The following PRR27 variants were observed in gnomAD, a reference collection of about 807,000 sequenced individuals.
The protein encoded by PRR27 is proline rich 27.
PRR27 carries 12 observed loss-of-function variants against 16.8 expected under a neutral mutation model. That is an observed-to-expected ratio of 0.71 (90% CI 0.46 to 1.16). The LOEUF (loss-of-function observed/expected upper bound fraction) is 1.16, where lower values mean the gene tolerates loss of function less well. PRR27 is among the 50% of genes most tolerant of loss of function. The pLI is 0.00. For missense variants in PRR27, 277 were observed against 273.3 expected, an observed-to-expected ratio of 1.01 and a Z score of -0.10; for synonymous variants, 100 against 98.4, an observed-to-expected ratio of 1.02 and a Z score of -0.10.
intron 3 of PRR27, among the ~76,000 whole-genome samples, chr4:70,159,486 T>C (rs551958040): frequency 1.3e-5 from 2 of 152,286 alleles, no homozygotes; most frequent in East Asian, 1.9e-4. Context: ...ATAAAAGTGA[T>C]TAGATGGACA....
Position 70,158,547 on chromosome 4 carries a change from T to TGAATGTTCCCTCCTCTCCG in PRR27, c.295_296insGAATGTTCCCTCCTCTCCG (p.Leu99Ter). The TGAATGTTCCCTCCTCTCCG allele has an allele frequency of 1.2e-6, 2 of 1,614,122 alleles. No homozygotes were observed. Among genetic ancestry groups the TGAATGTTCCCTCCTCTCCG allele is most frequent in the Non-Finnish European group, 1.7e-6 (2 of 1,179,992 alleles). On this transcript the variant is annotated stop_gained and frameshift_variant, in exon 3 of 5. Coordinates refer to ENST00000344526, the MANE Select transcript of PRR27 (RefSeq NM_214711.4). LOFTEE classifies it high-confidence loss of function. Reference sequence around the variant, plus strand: ...CCGTGGTTTTCCCTTAGCTACTCAGTTGAATGTTCCTCCTCTCCCTCCTAG... The same window carrying TGAATGTTCCCTCCTCTCCG: ...CCGTGGTTTTCCCTTAGCTACTCAGTGAATGTTCCCTCCTCTCCGTGAATGTTCCTCCTCTCCCTCCTAG...
intron 4 of PRR27, among the ~76,000 whole-genome samples, chr4:70,161,908 T>C (rs549059645): frequency 2.0e-5 from 3 of 152,322 alleles, no homozygotes; most frequent in South Asian, 2.1e-4. Context: ...GTAGTTAATA[T>C]AGGTAAAAAC....
chr4:70,160,443 C>CTCTCTCTGTG (rs1298386504), intron 3 of PRR27, among the ~76,000 whole-genome samples: 39 of 68,702 alleles, frequency 5.7e-4, no homozygotes, highest in South Asian at 8.6e-4. Flanking sequence ...CTCTCTCTCT[C>CTCTCTCTGTG]TGTGTGTGTG....
chr4:70,166,112 C>T lies in PRR27; in HGVS notation c.*3451C>T, dbSNP rs1237047025. On this transcript the variant is annotated 3_prime_UTR_variant, in exon 5 of 5. Coordinates refer to ENST00000344526, the MANE Select transcript of PRR27 (RefSeq NM_214711.4). The stretch of plus-strand genomic sequence containing the variant: ...GTCATTTCACAATTTACTATTTTTA[C>T]TCAACATTTATATTTCTGAGACTTT... 6.6e-6 allele frequency: 1 copy of T among 151,954 alleles called. No individual in the cohort carries two copies. The highest frequency in any genetic ancestry group is 1.9e-4 in the East Asian group (1 of 5,192). The allele number at this position is 151,954 out of a possible 1,614,324, so 9.4% of individuals were successfully genotyped here.
Position 70,163,341 on chromosome 4 carries a change from G to T in PRR27, c.*680G>T, listed in dbSNP as rs1429255969. ...TTTTTTTTTTTTTTTTTGAGACGAA[G>T]TCTCACACTGTTGCACGGCTGTAGT... is the stretch of plus-strand genomic sequence containing the variant. On this transcript the variant is annotated 3_prime_UTR_variant, in exon 5 of 5. Transcript: ENST00000344526. 1.1e-4 allele frequency: 14 copies of T among 124,078 alleles called. No homozygotes were observed. The Admixed American group carries it at 1.4e-3, about 12-fold the overall frequency. 7.7% of individuals were successfully genotyped at this position (124,078 alleles called of 1,614,324 possible).
chr4:70,154,319 T>G lies in PRR27; in HGVS notation c.-57T>G. ...AAGAAAAATATAATTTAAAAATACA[T>G]TGCGTATTTTCTAAAACAATAAATT... On this transcript the variant is annotated 5_prime_UTR_variant, in exon 1 of 5. Transcript: ENST00000344526. The G allele has an allele frequency of 2.3e-6, 3 of 1,300,158 alleles. No individual in the cohort carries two copies. Among genetic ancestry groups the G allele is most frequent in the South Asian group, 1.3e-5 (1 of 79,536 alleles). 80.5% of individuals were successfully genotyped at this position (1,300,158 alleles called of 1,614,324 possible).
chr4:70,154,504 A>G, intron 1 of PRR27, 78 bp downstream of exon 1: 2 of 1,151,564 alleles, frequency 1.7e-6, no homozygotes, highest in Non-Finnish European at 2.6e-6. Context: ...TGCTTATGAT[A>G]AAGTACTATA....
At position 70,164,461 on chromosome 4, in the gene PRR27, TTC is replaced by T. The variant is rs1223435303; in HGVS notation, c.*1802_*1803del. 1 of 152,190 alleles carries T rather than the reference TTC, an allele frequency of 6.6e-6. No individual in the cohort carries two copies. Among genetic ancestry groups the T allele is most frequent in the Non-Finnish European group, 1.5e-5 (1 of 68,008 alleles). 9.4% of individuals were successfully genotyped at this position (152,190 alleles called of 1,614,324 possible). ...ACATGGTCTCAAAAAATGAGAAACT[TTC>T]TTAGACAGTAAAATTGTTAACTTGA... On this transcript the variant is annotated 3_prime_UTR_variant, in exon 5 of 5. Transcript: ENST00000344526.
chr4:70,163,406 CGG>C lies in PRR27; in HGVS notation c.*747_*748del, dbSNP rs1728690287. 1 of 151,834 alleles carries C rather than the reference CGG, an allele frequency of 6.6e-6. No individual in the cohort carries two copies. Among genetic ancestry groups the C allele is most frequent in the African/African-American group, 2.4e-5 (1 of 41,216 alleles). The allele number at this position is 151,834 out of a possible 1,614,324, so 9.4% of individuals were successfully genotyped here. A position where few individuals can be genotyped will look rare whatever the true frequency, so the allele number is the denominator to read the frequency against. ...TCAGCTCACTGCAACTTCCACCTCC[CGG>C]GTTCAAGTGATTCTCCTGCCTCAGC... On this transcript the variant is annotated 3_prime_UTR_variant, in exon 5 of 5. Coordinates refer to ENST00000344526, the MANE Select transcript of PRR27 (RefSeq NM_214711.4).
In PRR27 at chr4:70,158,706, G is replaced by A. The variant is rs753969636; in HGVS notation, c.454G>A (p.Ala152Thr). ...TPVAAEPAAG[A>T]PVAAEPAAEA... ...TGTAGCAGCTGAGCCTGCTGCAGGG[G>A]CCCCTGTTGCAGCTGAGCCTGCTGC... Residue 152 changes from alanine (A) to threonine (T), a missense_variant, in exon 3 of 5, where the codon GCC becomes ACC. Physicochemically the swap from Ala to Thr is moderately conservative, Grantham distance 58. Coordinates refer to ENST00000344526, the MANE Select transcript of PRR27 (RefSeq NM_214711.4). 4 of 1,612,906 alleles carry A rather than the reference G, an allele frequency of 2.5e-6. No individual in the cohort carries two copies. Among genetic ancestry groups the A allele is most frequent in the African/African-American group, 1.3e-5 (1 of 74,826 alleles).
chr4:70,154,800 G>A (rs1403417109), intron 1 of PRR27: 10 of 1,292,206 alleles, frequency 7.7e-6, no homozygotes, highest in East Asian at 5.3e-5. Flanking sequence ...AGGTATTTAT[G>A]TACAGACATT....
At position 70,158,679 on chromosome 4, in the gene PRR27, C is replaced by A. The variant is rs558488121; in HGVS notation, c.427C>A (p.Pro143Thr). Residue 143 changes from proline to threonine, a missense_variant, in exon 3 of 5, where the codon CCT (proline) becomes ACT (threonine). Physicochemically the swap from Pro to Thr is conservative, Grantham distance 38. Coordinates refer to ENST00000344526, the MANE Select transcript of PRR27 (RefSeq NM_214711.4). Reference protein sequence around the residue: ...PAAAAPLTATPVAAEPAAGAP... With the variant: ...PAAAAPLTATTVAAEPAAGAP... ...TGCAGCTGCACCTCTTACAGCCACA[C>A]CTGTAGCAGCTGAGCCTGCTGCAGG... 5 of 1,613,950 alleles carry A rather than the reference C, an allele frequency of 3.1e-6. No homozygotes were observed. Among genetic ancestry groups the A allele is most frequent in the Non-Finnish European group, 4.2e-6 (5 of 1,180,006 alleles).
At chr4:70,157,444 A>G (rs544406899) in intron 2 of PRR27, among the ~76,000 whole-genome samples, 2 of 149,996 alleles carry the variant, frequency 1.3e-5, no homozygotes, top group Non-Finnish European at 1.5e-5. Flanking sequence ...GTATATTATT[A>G]TATATAATAA....
At chr4:70,160,439 C>CTG (rs1408228186) in intron 3 of PRR27, among the ~76,000 whole-genome samples, 132 of 87,368 alleles carry the variant, frequency 1.5e-3, no homozygotes, top group African/African-American at 5.2e-3. Flanking sequence ...CTCTCTCTCT[C>CTG]TCTCTGTGTG....
rs1728425380 is a variant in PRR27 at position 70,154,239 on chromosome 4, G to C, written c.-137G>C. 1 of 672,590 alleles carries C rather than the reference G, an allele frequency of 1.5e-6. No individual in the cohort carries two copies. The highest frequency in any genetic ancestry group is 2.5e-6 in the Non-Finnish European group (1 of 397,428). 41.7% of individuals were successfully genotyped at this position (672,590 alleles called of 1,614,324 possible). On this transcript the variant is annotated 5_prime_UTR_variant, in exon 1 of 5. Coordinates refer to ENST00000344526, the MANE Select transcript of PRR27 (RefSeq NM_214711.4). ...ATAGCAGGGCCAACTATTCTGTTAAGGGTCTTCCTAGACAGACTAAAAAAG... is the reference window on the plus strand; with the variant it reads ...ATAGCAGGGCCAACTATTCTGTTAACGGTCTTCCTAGACAGACTAAAAAAG...
chr4:70,161,541 A>T, intron 3 of PRR27, 45 bp from the exon 4 acceptor site: 1 of 1,272,494 alleles, frequency 7.9e-7, no homozygotes, highest in Non-Finnish European at 1.1e-6. Flanking sequence ...GAAATAAAGT[A>T]CATTTGATTG....
intron 3 of PRR27, among the ~76,000 whole-genome samples, chr4:70,161,181 CACACATACATAT>C (rs1728640789): frequency 3.2e-5 from 1 of 31,530 alleles, no homozygotes; most frequent in Non-Finnish European, 7.3e-5. Context: ...TATATATATA[CACACATACATAT>C]ATATACACGT....
At chr4:70,161,120 CA>C (rs1173384029) in intron 3 of PRR27, among the ~76,000 whole-genome samples, 1 of 144,024 alleles carries the variant, frequency 6.9e-6, no homozygotes, top group East Asian at 2.0e-4. Flanking sequence ...AGATTTGACA[CA>C]AGCACTTTCC....
intron 2 of PRR27, 30 bp downstream of exon 2, chr4:70,156,107 A>G (rs762639724): frequency 7.9e-7 from 1 of 1,273,520 alleles, no homozygotes. Context: ...ACACGCAAGT[A>G]TATTTGTTTT....
Sources: allele counts gnomAD v4.1 joint callset (sites outside exome capture counted in the v4.1 genomes callset), GRCh38; gene constraint gnomAD v4.1.1; transcripts MANE v1.5; gene names NCBI Gene and HGNC (gene_info 2026-07-23, HGNC 2026-07-21).